DOCK3: variants seen among roughly 807,000 people sequenced by gnomAD.
DOCK3 encodes dedicator of cytokinesis 3, also known as dedicator of cytokinesis protein 3.
In DOCK3, 60 loss-of-function variants were observed where a neutral mutation model predicts 265.6. The ratio of observed to expected loss-of-function variants is 0.23; its 90% CI spans 0.18 to 0.28. The LOEUF (loss-of-function observed/expected upper bound fraction) is 0.28. Among genes scored for constraint, DOCK3 ranks in the 10% least tolerant of loss-of-function variants. DOCK3 has a pLI of 1.00. For synonymous variants in DOCK3, 881 were observed against 938.0 expected (o/e 0.94, Z 1.11); for missense variants, 1,981 against 2,594.3 (o/e 0.76, Z 5.14).
At chr3:51,247,880 T>G (rs1445933555) in intron 22 of DOCK3, among the ~76,000 whole-genome samples, 2 of 152,190 alleles carry the variant, frequency 1.3e-5, no homozygotes, top group African/African-American at 4.8e-5. Flanking sequence ...TCTCTTCTTC[T>G]CAGAACCCTA....
intron 12 of DOCK3, among the ~76,000 whole-genome samples, chr3:51,164,385 G>A (rs547234052): frequency 6.6e-6 from 1 of 152,244 alleles, no homozygotes; most frequent in Non-Finnish European, 1.5e-5. Context: ...CACTTTGGGA[G>A]GCTGAGGCAG....
At chr3:50,878,134 C>T (rs191268684) in intron 3 of DOCK3, among the ~76,000 whole-genome samples, 1 of 152,268 alleles carries the variant, frequency 6.6e-6, no homozygotes, top group East Asian at 1.9e-4. Context: ...TCACCATCAT[C>T]AAAGATCAAA....
intron 5 of DOCK3, among the ~76,000 whole-genome samples, chr3:50,978,546 A>G (rs990226210): frequency 1.4e-4 from 22 of 152,116 alleles, no homozygotes; most frequent in Non-Finnish European, 2.9e-4. Context: ...TGCTCTCTTC[A>G]AAGCTGTCAG....
chr3:50,940,714 G>T (rs1177035692), intron 5 of DOCK3, among the ~76,000 whole-genome samples: 3 of 152,138 alleles, frequency 2.0e-5, no homozygotes, highest in Non-Finnish European at 4.4e-5. Context: ...AGGCAGAGTG[G>T]TACTGGCAGA....
chr3:50,921,373 T>G (rs2050454212), intron 4 of DOCK3, among the ~76,000 whole-genome samples: 1 of 152,190 alleles, frequency 6.6e-6, no homozygotes, highest in Non-Finnish European at 1.5e-5. Flanking sequence ...GTCACGTAGT[T>G]CTTGTGGCGT....
intron 5 of DOCK3, among the ~76,000 whole-genome samples, chr3:51,018,613 C>T (rs1375202521): frequency 6.6e-6 from 1 of 151,474 alleles, no homozygotes; most frequent in Non-Finnish European, 1.5e-5. Context: ...AGAAGGGACC[C>T]GAGTCTAGAC....
intron 5 of DOCK3, among the ~76,000 whole-genome samples, chr3:50,968,442 C>T (rs1276239171): frequency 6.6e-6 from 1 of 152,146 alleles, no homozygotes; most frequent in Admixed American, 6.5e-5. Context: ...GAGTAGTGTA[C>T]ATTGTACTCA....
chr3:50,684,070 A>G (rs1371823144), intron 1 of DOCK3, among the ~76,000 whole-genome samples: 1 of 152,004 alleles, frequency 6.6e-6, no homozygotes, highest in Non-Finnish European at 1.5e-5. Flanking sequence ...TTGTTATATC[A>G]TTGGAATCCC....
chr3:51,053,988 C>CTGCAAGGA (rs2081102914), intron 5 of DOCK3, among the ~76,000 whole-genome samples: 1 of 151,864 alleles, frequency 6.6e-6, no homozygotes, highest in Non-Finnish European at 1.5e-5. Context: ...GACTCTGCCA[C>CTGCAAGGA]CTTCTTTGTT....
At chr3:50,875,354 G>A (rs1187600752) in intron 3 of DOCK3, among the ~76,000 whole-genome samples, 5 of 152,190 alleles carry the variant, frequency 3.3e-5, no homozygotes, top group African/African-American at 1.2e-4. Context: ...AGTGGTGGAA[G>A]TCTTATCTTT....
intron 6 of DOCK3, among the ~76,000 whole-genome samples, chr3:51,065,232 G>A (rs1199081390): frequency 6.6e-6 from 1 of 151,902 alleles, no homozygotes; most frequent in Non-Finnish European, 1.5e-5. Context: ...TAAATTTCAG[G>A]TGCTTTTGTC....
chr3:50,998,617 G>A (rs769292542), intron 5 of DOCK3, among the ~76,000 whole-genome samples: 10 of 152,148 alleles, frequency 6.6e-5, no homozygotes, highest in Non-Finnish European at 1.0e-4. Flanking sequence ...AAAAATCATA[G>A]CATCGTTAAT....
chr3:51,086,385 GCA>G lies in DOCK3; in HGVS notation c.550-2855_550-2854del, dbSNP rs373785648. On this transcript the variant is annotated intron_variant, in intron 7 of 52. Transcript: ENST00000266037. The stretch of plus-strand genomic sequence containing the variant: ...GCCATCATGAACATGTCGCAGTGCT[GCA>G]CAGATTTTGTTTATGGCCAGTTTTG... Among the ~76,000 whole-genome samples, 31 of 152,352 alleles carry G rather than the reference GCA, an allele frequency of 2.0e-4. No homozygotes were observed. The East Asian group carries it at 5.4e-3, about 27-fold the overall frequency.
intron 5 of DOCK3, among the ~76,000 whole-genome samples, chr3:51,032,198 A>AT (rs1472833931): frequency 1.3e-5 from 2 of 150,526 alleles, no homozygotes; most frequent in African/African-American, 2.4e-5. Flanking sequence ...CACTTCAGTG[A>AT]TTTTTCCACA....
chr3:50,746,335 G>A (rs184383867), intron 1 of DOCK3, among the ~76,000 whole-genome samples: 1 of 152,100 alleles, frequency 6.6e-6, no homozygotes, highest in East Asian at 1.9e-4. Flanking sequence ...TCGAACTCCT[G>A]ACCTCAGGTG....
At chr3:51,220,709 G>GTGTATATATA (rs1208536854) in intron 14 of DOCK3, among the ~76,000 whole-genome samples, 27 of 132,376 alleles carry the variant, frequency 2.0e-4, no homozygotes, top group African/African-American at 3.6e-4. Context: ...GTGTGTGTGT[G>GTGTATATATA]TATATATATA....
chr3:50,883,043 C>G (rs2048133841), intron 3 of DOCK3, among the ~76,000 whole-genome samples: 1 of 152,146 alleles, frequency 6.6e-6, no homozygotes, highest in South Asian at 2.1e-4. Context: ...TGCATGTTCT[C>G]ACTCATAGGT....
chr3:50,885,354 T>G (rs1477450169), intron 3 of DOCK3, among the ~76,000 whole-genome samples: 1 of 134,940 alleles, frequency 7.4e-6, no homozygotes, highest in Non-Finnish European at 1.5e-5. Context: ...GGTATAAGCT[T>G]TTGTATGCAG....
chr3:50,774,700 C>T (rs776341268), intron 1 of DOCK3, among the ~76,000 whole-genome samples: 2 of 151,920 alleles, frequency 1.3e-5, no homozygotes, highest in African/African-American at 4.8e-5. Context: ...TTATTTGCAT[C>T]GACTGGTCCT....
Sources: gnomAD v4.1 joint callset for allele counts (sites outside exome capture counted in the v4.1 genomes callset) on GRCh38, gnomAD v4.1.1 for gene constraint, MANE v1.5 for transcripts, NCBI Gene and HGNC (gene_info 2026-07-23, HGNC 2026-07-21) for gene names.